The following DOCK8 variants were observed in gnomAD, a reference collection of about 807,000 sequenced individuals.
The protein encoded by DOCK8 is dedicator of cytokinesis 8, also known as dedicator of cytokinesis protein 8.
In DOCK8, 141 loss-of-function variants were observed where a neutral mutation model predicts 245.6. The ratio of observed to expected loss-of-function variants is 0.57; its 90% CI spans 0.50 to 0.66. The LOEUF is 0.66. DOCK8 is among the 30% of genes least tolerant of loss of function. The pLI is 0.00. For synonymous variants in DOCK8, 1,168 were observed against 970.2 expected (o/e 1.20, Z -3.79); for missense variants, 2,965 against 2,603.4 (o/e 1.14, Z -3.02).
At position 465,056 on chromosome 9, in the gene DOCK8, C is replaced by G. The variant is rs1477974661; in HGVS notation, c.*837C>G. 1 of 152,580 alleles carries G rather than the reference C, an allele frequency of 6.6e-6. No homozygotes were observed. The highest frequency in any genetic ancestry group is 1.5e-5 in the Non-Finnish European group (1 of 68,036). 9.5% of individuals were successfully genotyped at this position (152,580 alleles called of 1,614,324 possible). On this transcript the variant is annotated 3_prime_UTR_variant, in exon 48 of 48. Transcript: ENST00000432829. ...GTTTCTTTTTATAAAGCAATAATATCTCTGTTTTCATTTCAGAACATTGTG... is the reference window on the plus strand; with the variant it reads ...GTTTCTTTTTATAAAGCAATAATATGTCTGTTTTCATTTCAGAACATTGTG...
chr9:335,943 A>G (rs1189099148), intron 11 of DOCK8, among the ~76,000 whole-genome samples: 3 of 152,142 alleles, frequency 2.0e-5, no homozygotes, highest in African/African-American at 4.8e-5. Flanking sequence ...AGTTTTTGCA[A>G]TATAAAAGCA....
intron 33 of DOCK8, 55 bp downstream of exon 33, chr9:422,190 C>T (rs929425001): frequency 1.4e-6 from 2 of 1,475,296 alleles, no homozygotes; most frequent in Non-Finnish European, 1.9e-6. Flanking sequence ...AACTATTTTT[C>T]CCAGGCTGCT....
At chr9:278,241 C>G (rs1183126796) in intron 2 of DOCK8, among the ~76,000 whole-genome samples, 1 of 152,234 alleles carries the variant, frequency 6.6e-6, no homozygotes, top group Non-Finnish European at 1.5e-5. Context: ...GTCAGCATCT[C>G]CCTCTTAGTG....
At chr9:349,826 A>G (rs73639060) in intron 14 of DOCK8, among the ~76,000 whole-genome samples, 2,015 of 152,322 alleles carry the variant, frequency 0.013, 41 homozygotes, top group African/African-American at 0.047. Context: ...CAGAAGACAC[A>G]CTCAGAAACC....
chr9:392,857 T>C (rs188837897), intron 24 of DOCK8, among the ~76,000 whole-genome samples: 2 of 152,026 alleles, frequency 1.3e-5, no homozygotes, highest in East Asian at 3.9e-4. Flanking sequence ...TATATCCTGC[T>C]TCTATTTACA....
At chr9:400,672 C>CT (rs2054917402) in intron 26 of DOCK8, among the ~76,000 whole-genome samples, 1 of 96,946 alleles carries the variant, frequency 1.0e-5, no homozygotes, top group Non-Finnish European at 1.9e-5. Flanking sequence ...CCACCAGCAT[C>CT]TTCACCATCA....
chr9:227,797 G>A (rs1338630391), intron 1 of DOCK8, among the ~76,000 whole-genome samples: 1 of 152,142 alleles, frequency 6.6e-6, no homozygotes, highest in Non-Finnish European at 1.5e-5. Flanking sequence ...ATAAGGGGAA[G>A]AGAAGAGGAA....
At position 451,128 on chromosome 9, in the gene DOCK8, C is replaced by T. The variant is rs140297899; in HGVS notation, c.5962-883C>T. On this transcript the variant is annotated intron_variant, in intron 45 of 47. Coordinates refer to ENST00000432829, the MANE Select transcript of DOCK8 (RefSeq NM_203447.4). ...AGGAGTTTCAGACCAGCCTGGCCAA[C>T]ATGGTGAAACCCCATCTCTGCTAAA... is the stretch of plus-strand genomic sequence containing the variant. Among the ~76,000 whole-genome samples the T allele has an allele frequency of 4.2e-3, 638 of 150,982 alleles. 4 individuals carry two copies. The highest frequency in any genetic ancestry group is 0.015 in the African/African-American group (616 of 40,970).
chr9:313,642 A>G (rs2050220405), intron 6 of DOCK8, among the ~76,000 whole-genome samples: 1 of 152,256 alleles, frequency 6.6e-6, no homozygotes, highest in South Asian at 2.1e-4. Flanking sequence ...CAAAGGCCAC[A>G]AAGTCTCAGG....
At chr9:224,853 A>G (rs984638451) in intron 1 of DOCK8, among the ~76,000 whole-genome samples, 4 of 152,212 alleles carry the variant, frequency 2.6e-5, no homozygotes, top group African/African-American at 7.2e-5. Flanking sequence ...TCCACTGACA[A>G]TGCAGGAGTC....
Position 432,424 on chromosome 9 carries a change from T to C in DOCK8, c.4785+100T>C, listed in dbSNP as rs576574254. 4.2e-6 allele frequency: 5 copies of C among 1,177,196 alleles called. No homozygotes were observed. The South Asian group carries it at 7.1e-5, about 17-fold the overall frequency. The allele number at this position is 1,177,196 out of a possible 1,614,324, so 72.9% of individuals were successfully genotyped here. On this transcript the variant is annotated intron_variant, in intron 37 of 47. Transcript: ENST00000432829. The stretch of plus-strand genomic sequence containing the variant: ...TATATACACAATTTATATATAAATA[T>C]ATAACATTTGCAAGTATTTATTGTC...
chr9:229,091 G>A (rs144633233), intron 1 of DOCK8, among the ~76,000 whole-genome samples: 1,628 of 152,290 alleles, frequency 0.011, 17 homozygotes, highest in Non-Finnish European at 0.017. Flanking sequence ...ACATTCATTG[G>A]TTAATGCAAG....
chr9:407,078 C>T lies in DOCK8; in HGVS notation c.3530+9C>T. The T allele has an allele frequency of 6.2e-7, 1 of 1,614,014 alleles. No homozygotes were observed. The highest frequency in any genetic ancestry group is 1.6e-4 in the Middle Eastern group (1 of 6,062). On this transcript the variant is annotated intron_variant, in intron 28 of 47. Coordinates refer to ENST00000432829, the MANE Select transcript of DOCK8 (RefSeq NM_203447.4). ...GATGCCGAAGGGGAAGGGTATGTTT[C>T]TGGCATTTAAAATGGAAGATGAAGC...
At chr9:299,195 G>C (rs1247219450) in intron 4 of DOCK8, among the ~76,000 whole-genome samples, 1 of 152,078 alleles carries the variant, frequency 6.6e-6, no homozygotes, top group East Asian at 1.9e-4. Flanking sequence ...TGAGCCCTTA[G>C]GGAGAGTCCA....
At chr9:247,756 C>G (rs2047540111) in intron 1 of DOCK8, among the ~76,000 whole-genome samples, 1 of 151,938 alleles carries the variant, frequency 6.6e-6, no homozygotes, top group South Asian at 2.1e-4. Context: ...CCAGGATGGT[C>G]TCAATCTCCT....
intron 24 of DOCK8, among the ~76,000 whole-genome samples, chr9:393,103 A>G (rs1434598538): frequency 6.7e-6 from 1 of 150,358 alleles, no homozygotes; most frequent in Non-Finnish European, 1.5e-5. Context: ...AAAAAAAAAA[A>G]AAAAAAAAAA....
chr9:337,714 G>A (rs906862235), intron 12 of DOCK8, among the ~76,000 whole-genome samples: 4 of 152,158 alleles, frequency 2.6e-5, no homozygotes, highest in South Asian at 2.1e-4. Flanking sequence ...GTAGAATGAC[G>A]GTTGCCAGGG....
chr9:238,296 A>C (rs184394848), intron 1 of DOCK8, among the ~76,000 whole-genome samples: 74 of 152,332 alleles, frequency 4.9e-4, no homozygotes, highest in African/African-American at 1.7e-3. Context: ...AAATGAAATA[A>C]AAAGCGTGAA....
chr9:260,420 G>T (rs555517145), intron 1 of DOCK8, among the ~76,000 whole-genome samples: 1 of 152,360 alleles, frequency 6.6e-6, no homozygotes, highest in Non-Finnish European at 1.5e-5. Flanking sequence ...GATAGTTACA[G>T]ATAACAATGG....
Sources: gnomAD v4.1 joint callset for allele counts (sites outside exome capture counted in the v4.1 genomes callset) on GRCh38, gnomAD v4.1.1 for gene constraint, MANE v1.5 for transcripts, NCBI Gene and HGNC (gene_info 2026-07-23, HGNC 2026-07-21) for gene names.